Variants in EPB41L3 observed in about 807,000 individuals in gnomAD.
EPB41L3 encodes erythrocyte membrane protein band 4.1 like 3.
Under a neutral mutation model 127.1 loss-of-function variants are expected in EPB41L3, and 57 were observed. The ratio of observed to expected loss-of-function variants is 0.45; its 90% CI spans 0.36 to 0.56. The LOEUF (loss-of-function observed/expected upper bound fraction) is 0.56. EPB41L3 is among the 20% of genes least tolerant of loss of function. The pLI, the probability that EPB41L3 is intolerant of heterozygous loss-of-function variation, is 0.00. For missense variants in EPB41L3, 1,273 were observed against 1,372.2 expected (o/e 0.93, Z 1.14); for synonymous variants, 572 against 549.5 (o/e 1.04, Z -0.57).
intron 5 of EPB41L3, among the ~76,000 whole-genome samples, chr18:5,438,476 A>C (rs1353428540): frequency 6.6e-6 from 1 of 152,170 alleles, no homozygotes; most frequent in Non-Finnish European, 1.5e-5. Flanking sequence ...GAATTTCTGC[A>C]TAGCTCACAG....
intron 3 of EPB41L3, among the ~76,000 whole-genome samples, chr18:5,569,339 C>T (rs895414730): frequency 2.0e-5 from 3 of 152,200 alleles, no homozygotes; most frequent in Admixed American, 1.3e-4. Flanking sequence ...TTTGGAATTA[C>T]TGTCGCTGCT....
At chr18:5,410,808 T>C (rs896417583) in intron 13 of EPB41L3, among the ~76,000 whole-genome samples, 189 bp from the exon 14 acceptor site, 8 of 152,108 alleles carry the variant, frequency 5.3e-5, no homozygotes, top group Non-Finnish European at 8.8e-5. Flanking sequence ...CTAGGTGTCA[T>C]CAACAGAGCC....
At chr18:5,624,845 C>A (rs1440195897) in intron 1 of EPB41L3, among the ~76,000 whole-genome samples, 3 of 152,194 alleles carry the variant, frequency 2.0e-5, no homozygotes, top group African/African-American at 7.2e-5. Flanking sequence ...GCAGAAGGAG[C>A]AAAGAGCTAC....
chr18:5,463,421 G>A (rs1309620020), intron 3 of EPB41L3, among the ~76,000 whole-genome samples: 1 of 152,138 alleles, frequency 6.6e-6, no homozygotes, highest in East Asian at 1.9e-4. Context: ...AGGTGATGCT[G>A]GAGGGCACAG....
At chr18:5,520,028 G>A (rs2092922917) in intron 1 of EPB41L3, among the ~76,000 whole-genome samples, 1 of 152,124 alleles carries the variant, frequency 6.6e-6, no homozygotes, top group South Asian at 2.1e-4. Flanking sequence ...CTTGTCCATG[G>A]TTCTCTGCTA....
At chr18:5,604,827 C>G (rs2094631791) in intron 3 of EPB41L3, among the ~76,000 whole-genome samples, 1 of 152,118 alleles carries the variant, frequency 6.6e-6, no homozygotes, top group South Asian at 2.1e-4. Flanking sequence ...CCCCTAATTT[C>G]CCAAAGCCAC....
intron 5 of EPB41L3, among the ~76,000 whole-genome samples, chr18:5,442,047 G>A (rs1044002174): frequency 3.3e-5 from 5 of 152,040 alleles, no homozygotes; most frequent in African/African-American, 1.2e-4. Flanking sequence ...ACTTATCCTT[G>A]AACATTTTAT....
intron 9 of EPB41L3, among the ~76,000 whole-genome samples, chr18:5,425,775 G>A (rs1249310017): frequency 1.3e-5 from 2 of 152,106 alleles, no homozygotes; most frequent in Non-Finnish European, 2.9e-5. Flanking sequence ...GCCTGCTTAT[G>A]CCAGCACCAC....
intron 3 of EPB41L3, among the ~76,000 whole-genome samples, chr18:5,586,695 C>A (rs2094445439): frequency 6.6e-6 from 1 of 151,662 alleles, no homozygotes; most frequent in East Asian, 1.9e-4. Context: ...AGCTACAGTG[C>A]CAAACTTATA....
intron 16 of EPB41L3, among the ~76,000 whole-genome samples, chr18:5,405,595 G>A (rs908662052): frequency 6.6e-6 from 1 of 151,978 alleles, no homozygotes; most frequent in Non-Finnish European, 1.5e-5. Context: ...TTTGAGATCA[G>A]CCTGACCAAC....
At chr18:5,470,652 C>T (rs910235768) in intron 3 of EPB41L3, among the ~76,000 whole-genome samples, 3 of 152,150 alleles carry the variant, frequency 2.0e-5, no homozygotes, top group Admixed American at 6.5e-5. Context: ...GACTTATGTC[C>T]GGAAGGGACA....
chr18:5,515,917 G>A (rs1460053716), intron 1 of EPB41L3, among the ~76,000 whole-genome samples: 4 of 152,214 alleles, frequency 2.6e-5, no homozygotes, highest in African/African-American at 7.2e-5. Flanking sequence ...CAATGGGAGA[G>A]GGAAGCCTGT....
chr18:5,451,773 C>T (rs1234053425), intron 3 of EPB41L3, among the ~76,000 whole-genome samples: 1 of 152,208 alleles, frequency 6.6e-6, no homozygotes, highest in Non-Finnish European at 1.5e-5. Context: ...GCACTTAAAA[C>T]ATGTCAATGT....
At chr18:5,501,559 T>G (rs1047690468) in intron 1 of EPB41L3, among the ~76,000 whole-genome samples, 1 of 152,162 alleles carries the variant, frequency 6.6e-6, no homozygotes, top group African/African-American at 2.4e-5. Context: ...AAAGCCAAAT[T>G]AATGGAATTT....
At chr18:5,427,806 C>A (rs1598804103) in intron 9 of EPB41L3, among the ~76,000 whole-genome samples, 1 of 151,808 alleles carries the variant, frequency 6.6e-6, no homozygotes. Context: ...AGTGCAGTGG[C>A]ACGATCTCGG....
At chr18:5,415,607 G>A (rs1028914939) in intron 13 of EPB41L3, among the ~76,000 whole-genome samples, 7 of 152,168 alleles carry the variant, frequency 4.6e-5, no homozygotes, top group Admixed American at 2.6e-4. Context: ...GAACGATTCC[G>A]GGTTGGGCTC....
chr18:5,403,906 A>G (rs1275620824), intron 16 of EPB41L3, among the ~76,000 whole-genome samples: 1 of 152,228 alleles, frequency 6.6e-6, no homozygotes. Flanking sequence ...TTCTATGTGC[A>G]TAACATACAA....
At chr18:5,454,209 G>GTT (rs558597098) in intron 3 of EPB41L3, among the ~76,000 whole-genome samples, 3,880 of 116,308 alleles carry the variant, frequency 0.033, 225 homozygotes, top group East Asian at 0.25. Context: ...TTGTTTCCTT[G>GTT]TTTTTTTTTT....
At chr18:5,618,424 G>T (rs2094823034) in intron 1 of EPB41L3, among the ~76,000 whole-genome samples, 1 of 152,204 alleles carries the variant, frequency 6.6e-6, no homozygotes, top group Non-Finnish European at 1.5e-5. Flanking sequence ...AAAAGTTAAT[G>T]TAAGACCATG....
Sources: allele counts gnomAD v4.1 joint callset (sites outside exome capture counted in the v4.1 genomes callset), GRCh38; gene constraint gnomAD v4.1.1; transcripts MANE v1.5; gene names NCBI Gene and HGNC (gene_info 2026-07-23, HGNC 2026-07-21).